Variants in C18orf63 observed in about 807,000 individuals in gnomAD.
C18orf63 encodes uncharacterized protein C18orf63.
C18orf63 carries 50 observed loss-of-function variants against 75.3 expected under a neutral mutation model. The ratio of observed to expected loss-of-function variants is 0.66; its 90% CI spans 0.53 to 0.84. C18orf63 has a LOEUF of 0.84. Ranked by LOEUF, C18orf63 falls within the 40% of genes least tolerant of loss-of-function variation. The pLI, the probability that C18orf63 is intolerant of heterozygous loss-of-function variation, is 0.00. For synonymous variants in C18orf63, 232 were observed against 267.6 expected (o/e 0.87, Z 1.30); for missense variants, 732 against 800.2 (o/e 0.91, Z 1.03).
In C18orf63 at chr18:74,329,865, T is replaced by C. The variant is rs1262591506; in HGVS notation, c.424+829T>C. Among the ~76,000 whole-genome samples the C allele has an allele frequency of 2.0e-5, 3 of 152,214 alleles. No homozygotes were observed. In the East Asian group the frequency reaches 5.8e-4, roughly 29 times the overall value. The stretch of plus-strand genomic sequence containing the variant: ...TAGTCCAGAGATAGCAGATAGATGA[T>C]AATCCTGAGTCACCACCGTAGACAT... On this transcript the variant is annotated intron_variant, in intron 6 of 13. Transcript: ENST00000579455.
At position 74,317,857 on chromosome 18, in the gene C18orf63, C is replaced by A; in HGVS notation, c.-9C>A. 1 of 1,518,782 alleles carries A rather than the reference C, an allele frequency of 6.6e-7. No homozygotes were observed. Among genetic ancestry groups the A allele is most frequent in the South Asian group, 1.3e-5 (1 of 79,814 alleles). 94.1% of individuals were successfully genotyped at this position (1,518,782 alleles called of 1,614,324 possible). A position where few individuals can be genotyped will look rare whatever the true frequency, so the allele number is the denominator to read the frequency against. The stretch of plus-strand genomic sequence containing the variant: ...AGGCCTGATTGCTGAGACACTCAGT[C>A]AGGAAAGTATGAATGATTCTAGGCA... On this transcript the variant is annotated 5_prime_UTR_variant, in exon 2 of 14. Coordinates refer to ENST00000579455, the MANE Select transcript of C18orf63 (RefSeq NM_001174123.2).
chr18:74,332,734 G>C (rs1408793163), intron 7 of C18orf63, among the ~76,000 whole-genome samples: 2 of 147,484 alleles, frequency 1.4e-5, no homozygotes, highest in Admixed American at 1.4e-4. Context: ...AAAAAAAAAG[G>C]CTCCATCTCT....
At chr18:74,333,976 TAC>T in intron 7 of C18orf63, among the ~76,000 whole-genome samples, 1 of 152,200 alleles carries the variant, frequency 6.6e-6, no homozygotes. Context: ...TATGATGTCT[TAC>T]ACATTCTGAC....
chr18:74,332,265 G>A (rs1410885719), intron 7 of C18orf63, among the ~76,000 whole-genome samples: 1 of 152,142 alleles, frequency 6.6e-6, no homozygotes, highest in Non-Finnish European at 1.5e-5. Flanking sequence ...GCAGGGTGTG[G>A]AAGCTGAGGT....
chr18:74,354,023 G>T lies in C18orf63; in HGVS notation c.1756G>T (p.Gly586Trp). Residue 586 changes from glycine (G) to tryptophan (W), a missense_variant, in exon 12 of 14, where the codon GGG (glycine) becomes TGG (tryptophan). By Grantham distance (184) the Gly-to-Trp change is radical (BLOSUM62 -2). Transcript: ENST00000579455. Reference protein sequence around the residue: ...GITQILGKSHGSLKLKRQPHI... With the variant: ...GITQILGKSHWSLKLKRQPHI... ...AACACAAATTTTAGGGAAAAGCCATGGGTCACTAAAACTGAAAAGACAGCC... is the reference window on the plus strand; with the variant it reads ...AACACAAATTTTAGGGAAAAGCCATTGGTCACTAAAACTGAAAAGACAGCC... 1 of 1,536,412 alleles carries T rather than the reference G, an allele frequency of 6.5e-7. No homozygotes were observed. The highest frequency in any genetic ancestry group is 2.4e-5 in the East Asian group (1 of 40,902).
chr18:74,322,192 T>C (rs1984135850), intron 3 of C18orf63, among the ~76,000 whole-genome samples: 1 of 152,218 alleles, frequency 6.6e-6, no homozygotes, highest in Non-Finnish European at 1.5e-5. Flanking sequence ...TTTTGCCGGA[T>C]TGCATGTTAA....
chr18:74,342,068 C>T lies in C18orf63; in HGVS notation c.648C>T (p.Ala216=), dbSNP rs1380682342. 6.5e-7 allele frequency: 1 copy of T among 1,527,604 alleles called. No homozygotes were observed. Among genetic ancestry groups the T allele is most frequent in the East Asian group, 2.5e-5 (1 of 40,784 alleles). 94.6% of individuals were successfully genotyped at this position (1,527,604 alleles called of 1,614,324 possible). A position where few individuals can be genotyped will look rare whatever the true frequency, so the allele number is the denominator to read the frequency against. The stretch of plus-strand genomic sequence containing the variant: ...GACAAATTATAAATATTTTTCATGC[C>T]ATCCCCGCTGCCTGTCCTTTTCACT... ...KMGQIINIFH[A]IPAACPFHSY... is the part of the protein sequence containing the mutation. The change falls in exon 9 of 14, where the codon GCC becomes GCT. Residue 216 remains alanine (A), a synonymous_variant. Transcript: ENST00000579455.
intron 7 of C18orf63, among the ~76,000 whole-genome samples, chr18:74,336,812 C>G (rs952413759): frequency 6.6e-6 from 1 of 152,102 alleles, no homozygotes; most frequent in African/African-American, 2.4e-5. Context: ...GTGGCATCAG[C>G]AGTCAATAAT....
chr18:74,336,348 T>C (rs1288625313), intron 7 of C18orf63, among the ~76,000 whole-genome samples: 1 of 152,018 alleles, frequency 6.6e-6, no homozygotes, highest in Non-Finnish European at 1.5e-5. Flanking sequence ...GTATCAAAAT[T>C]TGTGTTATAG....
Position 74,342,340 on chromosome 18 carries a change from A to G in C18orf63, c.794+14A>G. 2 of 1,458,208 alleles carry G rather than the reference A, an allele frequency of 1.4e-6. No homozygotes were observed. Among genetic ancestry groups the G allele is most frequent in the Middle Eastern group, 2.3e-4 (1 of 4,318 alleles). The allele number at this position is 1,458,208 out of a possible 1,614,324, so 90.3% of individuals were successfully genotyped here. ...AAGGACCTTCACATATCCTTTACACACCAACTGAAGCAGATGCTGTCTGCC... is the reference window on the plus strand; with the variant it reads ...AAGGACCTTCACATATCCTTTACACGCCAACTGAAGCAGATGCTGTCTGCC... On this transcript the variant is annotated intron_variant, in intron 10 of 13. Transcript: ENST00000579455.
At chr18:74,352,787 A>C (rs946782767) in intron 11 of C18orf63, among the ~76,000 whole-genome samples, 47 of 152,224 alleles carry the variant, frequency 3.1e-4, no homozygotes, top group Non-Finnish European at 4.1e-4. Flanking sequence ...CTTACCTTGT[A>C]ATATTTTTTT....
At position 74,327,987 on chromosome 18, in the gene C18orf63, A is replaced by G. The variant is rs1599002274; in HGVS notation, c.311A>G (p.Asn104Ser). 1 of 1,535,766 alleles carries G rather than the reference A, an allele frequency of 6.5e-7. No homozygotes were observed. Among genetic ancestry groups the G allele is most frequent in the Non-Finnish European group, 8.7e-7 (1 of 1,146,556 alleles). Residue 104 changes from asparagine to serine, a missense_variant, in exon 5 of 14, where the codon AAC becomes AGC. Transcript: ENST00000579455. Reference sequence around the variant, plus strand: ...AGAGTAATTCCTGTAATTCTTCAGAACTGCCTGTCATATTCATTCATGGCT... The same window carrying G: ...AGAGTAATTCCTGTAATTCTTCAGAGCTGCCTGTCATATTCATTCATGGCT... ...PQRVIPVILQNCLSYSFMARL... is the reference protein window; with the variant it reads ...PQRVIPVILQSCLSYSFMARL...
At chr18:74,323,832 G>A (rs1351491779) in intron 4 of C18orf63, among the ~76,000 whole-genome samples, 1 of 152,136 alleles carries the variant, frequency 6.6e-6, no homozygotes, top group African/African-American at 2.4e-5. Context: ...CCTTGTCTGG[G>A]TGGGTTTTCT....
At chr18:74,355,315 G>T (rs1984744386) in intron 13 of C18orf63, among the ~76,000 whole-genome samples, 1 of 116,552 alleles carries the variant, frequency 8.6e-6, no homozygotes, top group Non-Finnish European at 2.1e-5. Flanking sequence ...TGTACTTTTT[G>T]ACATCTTAAT....
intron 5 of C18orf63, among the ~76,000 whole-genome samples, chr18:74,328,475 G>A (rs1489456432): frequency 6.6e-6 from 1 of 152,120 alleles, no homozygotes; most frequent in Non-Finnish European, 1.5e-5. Context: ...CCATATGAAT[G>A]TGCATCTGTT....
intron 7 of C18orf63, among the ~76,000 whole-genome samples, chr18:74,331,746 T>TGCTTTCTTTGCTTAGAATGCCCC (rs1984311305): frequency 6.6e-6 from 1 of 152,208 alleles, no homozygotes; most frequent in Non-Finnish European, 1.5e-5. Flanking sequence ...GAACAAATGA[T>TGCTTTCTTTGCTTAGAATGCCCC]GCTTTCTTTG....
chr18:74,352,399 A>ATTTT (rs1984681872), intron 11 of C18orf63, among the ~76,000 whole-genome samples: 2 of 152,186 alleles, frequency 1.3e-5, no homozygotes, highest in South Asian at 4.1e-4. Context: ...TTAAAATGGT[A>ATTTT]AATTTTATAT....
chr18:74,330,330 T>C (rs187208507), intron 6 of C18orf63, among the ~76,000 whole-genome samples: 1 of 152,270 alleles, frequency 6.6e-6, no homozygotes, highest in East Asian at 1.9e-4. Context: ...GCTTTTTTCA[T>C]GTACTAACCC....
rs116592384 is a variant in C18orf63 at position 74,333,106 on chromosome 18, G to A, written c.501+2164G>A. On this transcript the variant is annotated intron_variant, in intron 7 of 13. Transcript: ENST00000579455. ...TACTGGCCCAACATGCATGAACTGG[G>A]ATATATAGTCATGCTGTTCATTACT... 3.6e-3 allele frequency among the ~76,000 whole-genome samples: 550 copies of A among 152,260 alleles called. 5 individuals carry two copies. The highest frequency in any genetic ancestry group is 0.013 in the African/African-American group (529 of 41,550).
Sources: gnomAD v4.1 joint callset for allele counts (sites outside exome capture counted in the v4.1 genomes callset) on GRCh38, gnomAD v4.1.1 for gene constraint, MANE v1.5 for transcripts, NCBI Gene and HGNC (gene_info 2026-07-23, HGNC 2026-07-21) for gene names.